RBPJ: variants seen among roughly 807,000 people sequenced by gnomAD.
The protein encoded by RBPJ is recombination signal binding protein for immunoglobulin kappa J region.
RBPJ carries 9 observed loss-of-function variants against 67.8 expected under a neutral mutation model. The ratio of observed to expected loss-of-function variants is 0.13; its 90% confidence interval spans 0.08 to 0.23. The LOEUF (loss-of-function observed/expected upper bound fraction) is 0.23. RBPJ is among the 10% of genes least tolerant of loss of function. The pLI, the probability that RBPJ is intolerant of heterozygous loss-of-function variation, is 1.00. For missense variants in RBPJ, 305 were observed against 595.6 expected (o/e 0.51, Z 5.08); for synonymous variants, 198 against 203.3 (o/e 0.97, Z 0.22).
At chr4:26,178,339 G>A (rs1716866691) in intron 1 of RBPJ, among the ~76,000 whole-genome samples, 1 of 152,192 alleles carries the variant, frequency 6.6e-6, no homozygotes, top group Non-Finnish European at 1.5e-5. Context: ...CAGTGCTGCA[G>A]AAGTCCCAGG....
At chr4:26,260,624 AATGACTT>A (rs1720495001) in intron 1 of RBPJ, among the ~76,000 whole-genome samples, 1 of 152,218 alleles carries the variant, frequency 6.6e-6, no homozygotes, top group Non-Finnish European at 1.5e-5. Flanking sequence ...TGTTGATGGC[AATGACTT>A]ATAAGGGAAT....
At chr4:26,306,664 T>G (rs190907903) in intron 1 of RBPJ, among the ~76,000 whole-genome samples, 1 of 151,856 alleles carries the variant, frequency 6.6e-6, no homozygotes, top group East Asian at 1.9e-4. Context: ...TTAGCCAGGA[T>G]AGTCTCAATC....
chr4:26,334,472 C>T (rs1386812884), intron 1 of RBPJ, among the ~76,000 whole-genome samples: 1 of 152,000 alleles, frequency 6.6e-6, no homozygotes, highest in East Asian at 1.9e-4. Context: ...TGCATTGCAA[C>T]TTAAGTTTTC....
chr4:26,177,570 CCT>C (rs1320212976), intron 1 of RBPJ, among the ~76,000 whole-genome samples: 1 of 149,660 alleles, frequency 6.7e-6, no homozygotes, highest in Non-Finnish European at 1.5e-5. Context: ...AAGGGGAGAC[CCT>C]GTCTCAATAA....
At chr4:26,428,960 A>G in intron 8 of RBPJ, 100 bp downstream of exon 8, 1 of 865,036 alleles carries the variant, frequency 1.2e-6, no homozygotes, top group Non-Finnish European at 1.9e-6. Context: ...TTATATACAA[A>G]TACATGAAGC....
At chr4:26,319,675 G>GGAAGCCGAGTAGT, upstream of RBPJ, 2 of 654,904 alleles carry the variant, frequency 3.1e-6, no homozygotes, top group Admixed American at 4.9e-5. Flanking sequence ...GGAAGGCGGT[G>GGAAGCCGAGTAGT]GGAAGGAGGT....
At chr4:26,175,664 G>A (rs2109122906) in intron 1 of RBPJ, among the ~76,000 whole-genome samples, 1 of 152,272 alleles carries the variant, frequency 6.6e-6, no homozygotes, top group East Asian at 1.9e-4. Context: ...GCTCCTTCTG[G>A]CCCTGTGGTG....
At chr4:26,416,508 G>T (rs919496984) in intron 4 of RBPJ, among the ~76,000 whole-genome samples, 1 of 152,176 alleles carries the variant, frequency 6.6e-6, no homozygotes, top group Non-Finnish European at 1.5e-5. Flanking sequence ...GGGATTACGG[G>T]TGTGTGCCAC....
At chr4:26,406,058 G>T in intron 2 of RBPJ, 117 bp from the exon 3 acceptor site, 1 of 606,818 alleles carries the variant, frequency 1.6e-6, no homozygotes, top group Non-Finnish European at 2.9e-6. Context: ...TTGTTTTTAA[G>T]ATTTGCTTAT....
intron 1 of RBPJ, among the ~76,000 whole-genome samples, chr4:26,231,931 G>A (rs906097622): frequency 7.4e-5 from 11 of 149,624 alleles, no homozygotes; most frequent in African/African-American, 7.4e-5. Flanking sequence ...TCACTCTGTC[G>A]CCCAGGCTGG....
intron 1 of RBPJ, among the ~76,000 whole-genome samples, chr4:26,282,117 C>T (rs995159718): frequency 1.4e-5 from 2 of 140,908 alleles, no homozygotes; most frequent in Admixed American, 1.5e-4. Context: ...TGCCTTCATT[C>T]GTAATCCTCT....
In RBPJ at chr4:26,433,672, A is replaced by G. The variant is rs1348851549; in HGVS notation, c.*2665A>G. 6.6e-6 allele frequency: 1 copy of G among 152,180 alleles called. No homozygotes were observed. The allele number at this position is 152,180 out of a possible 1,614,324, so 9.4% of individuals were successfully genotyped here. A position where few individuals can be genotyped will look rare whatever the true frequency, so the allele number is the denominator to read the frequency against. ...TCCCCACCTATTTTTGGCCATTCTC[A>G]TACCACAGACTAAAGAGTGAAATGA... On this transcript the variant is annotated 3_prime_UTR_variant, in exon 11 of 11. Transcript: ENST00000355476.
intron 1 of RBPJ, among the ~76,000 whole-genome samples, chr4:26,303,519 C>T (rs750581408): frequency 1.7e-4 from 26 of 150,600 alleles, no homozygotes; most frequent in Admixed American, 3.3e-4. Context: ...GAAGGTAAGT[C>T]AACTAGCAAA....
intron 1 of RBPJ, among the ~76,000 whole-genome samples, chr4:26,285,979 G>A (rs1721449893): frequency 7.1e-6 from 1 of 141,230 alleles, no homozygotes; most frequent in South Asian, 2.3e-4. Flanking sequence ...GCCGGGCTTA[G>A]TGGCGTATGC....
chr4:26,257,243 T>C (rs1720370252), intron 1 of RBPJ, among the ~76,000 whole-genome samples: 1 of 152,256 alleles, frequency 6.6e-6, no homozygotes, highest in Admixed American at 6.5e-5. Flanking sequence ...CAGGCACTTC[T>C]CCAAGCCTAT....
At chr4:26,122,863 G>A in the RBPJ span, among the ~76,000 whole-genome samples, 1 of 152,154 alleles carries the variant, frequency 6.6e-6, no homozygotes, top group Admixed American at 6.5e-5. Context: ...GAATGGGTGT[G>A]ATTGTGTTCC....
intron 1 of RBPJ, among the ~76,000 whole-genome samples, chr4:26,344,374 A>G (rs1282701566): frequency 1.3e-5 from 2 of 151,874 alleles, no homozygotes; most frequent in African/African-American, 4.8e-5. Context: ...AGCTGGGACT[A>G]CAGGCGCCTG....
Position 26,346,137 on chromosome 4 carries a change from T to C in RBPJ, c.20+25089T>C, listed in dbSNP as rs1239265456. On this transcript the variant is annotated intron_variant, in intron 1 of 10. Coordinates refer to ENST00000355476, the MANE Select transcript of RBPJ (RefSeq NM_015874.6). ...CATTGTTGGAGTAAATACTTGGGGG[T>C]TCATCATCTCACTCCCAAAAAATTT... Among the ~76,000 whole-genome samples, 6 of 151,976 alleles carry C rather than the reference T, an allele frequency of 3.9e-5. No individual in the cohort carries two copies. In the East Asian group the frequency reaches 1.2e-3, roughly 29 times the overall value.
chr4:26,155,172 T>C, the RBPJ span, among the ~76,000 whole-genome samples: 1 of 152,230 alleles, frequency 6.6e-6, no homozygotes, highest in Non-Finnish European at 1.5e-5. Context: ...CTTGTATGCA[T>C]TAATCCCAAC....
Sources: gnomAD v4.1 joint callset for allele counts (sites outside exome capture counted in the v4.1 genomes callset) on GRCh38, gnomAD v4.1.1 for gene constraint, MANE v1.5 for transcripts, NCBI Gene and HGNC (gene_info 2026-07-23, HGNC 2026-07-21) for gene names.